The following PLEKHG7 variants were observed in gnomAD, a reference collection of about 807,000 sequenced individuals.
PLEKHG7 encodes pleckstrin homology and RhoGEF domain containing G7.
Under a neutral mutation model 85.2 loss-of-function variants are expected in PLEKHG7, and 77 were observed. The observed-to-expected ratio is 0.90, with a 90% CI of 0.75 to 1.09. PLEKHG7 has a LOEUF of 1.09. Ranked by LOEUF, PLEKHG7 falls within the 50% of genes least tolerant of loss-of-function variation. PLEKHG7 has a pLI of 0.00. For synonymous variants in PLEKHG7, 301 were observed against 302.4 expected, an observed-to-expected ratio of 1.00 and a Z score of 0.05; for missense variants, 777 against 804.3, an observed-to-expected ratio of 0.97 and a Z score of 0.41.
At position 92,706,473 on chromosome 12, in the gene PLEKHG7, G is replaced by A; in HGVS notation, c.-159G>A. On this transcript the variant is annotated splice_region_variant and 5_prime_UTR_variant, in exon 2 of 17. The change abolishes an upstream ATG in the 5' untranslated region. Transcript: ENST00000344636. ...CAGTCTGCTCTTCCTCACTACAGAT[G>A]CAATAACCTGCTTGACATTCTCCTC... 3.6e-6 allele frequency: 3 copies of A among 844,618 alleles called. No individual in the cohort carries two copies. The highest frequency in any genetic ancestry group is 2.6e-4 in the Middle Eastern group (1 of 3,840). The allele number at this position is 844,618 out of a possible 1,614,324, so 52.3% of individuals were successfully genotyped here.
In PLEKHG7 at chr12:92,761,789, C is replaced by T; in HGVS notation, c.1674C>T (p.Phe558=). The T allele has an allele frequency of 6.3e-7, 1 of 1,577,206 alleles. No individual in the cohort carries two copies. Among genetic ancestry groups the T allele is most frequent in the Non-Finnish European group, 8.6e-7 (1 of 1,167,450 alleles). The stretch of plus-strand genomic sequence containing the variant: ...TCCTAGATGTTTATCTGTTTCTCTT[C>T]AATGATTTCCTCTTAGTTACGAAAA... ...TRFLDVYLFL[F]NDFLLVTKTK... Residue 558 remains phenylalanine (F), a synonymous_variant, in exon 14 of 17, where the codon TTC becomes TTT. Transcript: ENST00000344636.
chr12:92,761,319 A>C (rs1407571631), intron 13 of PLEKHG7, among the ~76,000 whole-genome samples: 1 of 152,136 alleles, frequency 6.6e-6, no homozygotes, highest in Non-Finnish European at 1.5e-5. Flanking sequence ...GGCTGAGTTG[A>C]AGCCACTACA....
chr12:92,729,151 T>C (rs1871909209), intron 4 of PLEKHG7, 31 bp downstream of exon 4: 2 of 1,231,450 alleles, frequency 1.6e-6, no homozygotes, highest in Non-Finnish European at 2.0e-6. Context: ...TTTCATTCCA[T>C]GCCCACTGTG....
rs188269624 is a variant in PLEKHG7 at position 92,769,222 on chromosome 12, G to A, written c.1968+142G>A. 2.5e-5 allele frequency: 15 copies of A among 607,902 alleles called. No homozygotes were observed. The East Asian group carries it at 3.5e-4, about 14-fold the overall frequency. 37.7% of individuals were successfully genotyped at this position (607,902 alleles called of 1,614,324 possible). On this transcript the variant is annotated intron_variant, in intron 16 of 16. Coordinates refer to ENST00000344636, the MANE Select transcript of PLEKHG7 (RefSeq NM_001377329.1). ...GGGCAGATTTGGGAGGAGGGGAGGG[G>A]TACATCTAGTCCATATAATGCTCAA... is the stretch of plus-strand genomic sequence containing the variant.
At chr12:92,758,826 G>A (rs905975679) in intron 13 of PLEKHG7, among the ~76,000 whole-genome samples, 3 of 152,210 alleles carry the variant, frequency 2.0e-5, no homozygotes, top group Admixed American at 2.0e-4. Context: ...TGAGCATCGA[G>A]ATTTGATGGG....
chr12:92,727,977 C>A (rs377745602), intron 3 of PLEKHG7, among the ~76,000 whole-genome samples: 1 of 124,298 alleles, frequency 8.0e-6, no homozygotes, highest in East Asian at 2.7e-4. Flanking sequence ...TATATATATA[C>A]ACATATATAC....
rs751859680 is a variant in PLEKHG7, at chr12:92,706,726, G to T, written c.95G>T (p.Gly32Val). Residue 32 changes from glycine to valine, a missense_variant, in exon 2 of 17, where the codon GGG becomes GTG. Gly to Val is a moderately radical substitution (Grantham distance 109). Transcript: ENST00000344636. ...CTGAGGAGCCTGCCAAAGAACCAGG[G>T]GAGTCTCCTCCAGTTTGACCGGCAA... is the stretch of plus-strand genomic sequence containing the variant. ...PSLRSLPKNQ[G>V]SLLQFDRQAP... 2 of 1,613,948 alleles carry T rather than the reference G, an allele frequency of 1.2e-6. No individual in the cohort carries two copies. The highest frequency in any genetic ancestry group is 1.7e-5 in the Admixed American group (1 of 60,000).
chr12:92,738,648 G>A (rs772951548), intron 7 of PLEKHG7, among the ~76,000 whole-genome samples: 5 of 152,182 alleles, frequency 3.3e-5, no homozygotes, highest in Non-Finnish European at 7.3e-5. Flanking sequence ...ACAAAAACAG[G>A]TGGCAGGCCA....
intron 4 of PLEKHG7, among the ~76,000 whole-genome samples, chr12:92,730,866 A>T (rs1320098671): frequency 6.6e-6 from 1 of 152,214 alleles, no homozygotes; most frequent in African/African-American, 2.4e-5. Context: ...GATACCACAC[A>T]GCAAAAGATA....
intron 13 of PLEKHG7, among the ~76,000 whole-genome samples, chr12:92,757,918 A>T (rs1016190929): frequency 6.6e-6 from 1 of 152,142 alleles, no homozygotes; most frequent in African/African-American, 2.4e-5. Context: ...CATAGAGGAG[A>T]CCAAAGCAGA....
At chr12:92,732,133 T>C (rs1872008501) in intron 4 of PLEKHG7, 100 bp from the exon 5 acceptor site, 2 of 558,180 alleles carry the variant, frequency 3.6e-6, no homozygotes, top group South Asian at 9.4e-5. Flanking sequence ...GAATTCTGTT[T>C]GGCTAATTTT....
intron 1 of PLEKHG7, among the ~76,000 whole-genome samples, chr12:92,704,913 A>G (rs1321717072): frequency 1.3e-5 from 2 of 152,198 alleles, no homozygotes; most frequent in East Asian, 1.9e-4. Flanking sequence ...GTCAGGGAGT[A>G]AAATAAGAGA....
Position 92,756,219 on chromosome 12 carries a change from T to C in PLEKHG7, c.1543-79T>C, listed in dbSNP as rs147723965. 4,092 of 1,062,152 alleles carry C rather than the reference T, an allele frequency of 3.9e-3. 18 individuals are homozygous for C. Among genetic ancestry groups the C allele is most frequent in the Middle Eastern group, 0.016 (56 of 3,416 alleles). The allele number at this position is 1,062,152 out of a possible 1,614,324, so 65.8% of individuals were successfully genotyped here. On this transcript the variant is annotated intron_variant, in intron 12 of 16. Transcript: ENST00000344636. ...AATGTCATGAACTTTCTAGATGGAG[T>C]TAATTGCCCCAGCTTTTTAAACATG...
At chr12:92,769,719 T>C (rs1873344429) in intron 16 of PLEKHG7, among the ~76,000 whole-genome samples, 1 of 152,250 alleles carries the variant, frequency 6.6e-6, no homozygotes, top group South Asian at 2.1e-4. Flanking sequence ...TCTTTCAAGT[T>C]ATACTACAGG....
rs781728986 is a variant in PLEKHG7 at position 92,754,251 on chromosome 12, G to A, written c.1413G>A (p.Val471=). 2.9e-5 allele frequency: 46 copies of A among 1,613,712 alleles called. No individual in the cohort carries two copies. The highest frequency in any genetic ancestry group is 7.6e-6 in the Non-Finnish European group (9 of 1,179,886). The change falls in exon 11 of 17, where the codon GTG becomes GTA. Residue 471 remains valine (V), a synonymous_variant. Coordinates refer to ENST00000344636, the MANE Select transcript of PLEKHG7 (RefSeq NM_001377329.1). ...KIMIYSIKEK[V]EKSIRDLEGK... is the part of the protein sequence containing the mutation. ...TGATCTACTCCATCAAGGAAAAGGT[G>A]GAAAAGTCCATCCGTAAGTCCCTGA...
intron 5 of PLEKHG7, among the ~76,000 whole-genome samples, chr12:92,734,859 T>C (rs568030964): frequency 6.6e-6 from 1 of 152,340 alleles, no homozygotes; most frequent in East Asian, 1.9e-4. Flanking sequence ...AGAATTAACC[T>C]TGGCTTCTCG....
chr12:92,707,767 G>A (rs1199451581), intron 3 of PLEKHG7, 95 bp downstream of exon 3: 1 of 1,587,348 alleles, frequency 6.3e-7, no homozygotes, highest in Admixed American at 1.7e-5. Context: ...AGCTGACGGT[G>A]TGTTAACCAG....
intron 3 of PLEKHG7, among the ~76,000 whole-genome samples, chr12:92,715,525 TTTG>T (rs1871460969): frequency 6.6e-6 from 1 of 152,056 alleles, no homozygotes; most frequent in Non-Finnish European, 1.5e-5. Context: ...AGATCCCCCA[TTTG>T]TCTCTCTTCA....
chr12:92,770,223 TAGA>T lies in PLEKHG7; in HGVS notation c.*32_*34del, dbSNP rs1565799892. On this transcript the variant is annotated 3_prime_UTR_variant, in exon 17 of 17. Transcript: ENST00000344636. ...ACCTAAAACAAGTGGCATGTCTTTT[TAGA>T]AGATTATGGTTTAAGGTATAATTTC... The T allele has an allele frequency of 6.9e-7, 1 of 1,453,998 alleles. No individual in the cohort carries two copies. The allele number at this position is 1,453,998 out of a possible 1,614,324, so 90.1% of individuals were successfully genotyped here.
Sources: allele counts gnomAD v4.1 joint callset (sites outside exome capture counted in the v4.1 genomes callset), GRCh38; gene constraint gnomAD v4.1.1; transcripts MANE v1.5; gene names NCBI Gene and HGNC (gene_info 2026-07-23, HGNC 2026-07-21).